The following NLRC5 variants were observed in gnomAD, a reference collection of about 807,000 sequenced individuals.
The protein encoded by NLRC5 is protein NLRC5.
A neutral mutation model predicts 206.9 loss-of-function variants in NLRC5; 114 were observed. The observed-to-expected ratio is 0.55, with a 90% CI of 0.47 to 0.64. The LOEUF (loss-of-function observed/expected upper bound fraction) is 0.64. Among genes scored for constraint, NLRC5 ranks in the 30% least tolerant of loss-of-function variants. NLRC5 has a pLI of 0.00. For missense variants in NLRC5, 2,008 were observed against 2,305.5 expected (o/e 0.87, Z 2.64); for synonymous variants, 952 against 962.8 (o/e 0.99, Z 0.21).
intron 39 of NLRC5, 32 bp downstream of exon 39, chr16:57,074,715 T>C: frequency 6.2e-7 from 1 of 1,600,578 alleles, no homozygotes; most frequent in Non-Finnish European, 8.6e-7. Flanking sequence ...TGGGAATGAG[T>C]GGGAAGAAAC....
chr16:57,067,672 G>T, intron 35 of NLRC5, 64 bp from the exon 36 acceptor site: 1 of 1,519,766 alleles, frequency 6.6e-7, no homozygotes, highest in African/African-American at 1.4e-5. Flanking sequence ...CCCCCTTCTG[G>T]ATGTGATGAC....
chr16:56,996,509 C>T (rs932379340), intron 1 of NLRC5, among the ~76,000 whole-genome samples: 1 of 151,964 alleles, frequency 6.6e-6, no homozygotes, highest in Admixed American at 6.6e-5. Flanking sequence ...TCGATGATAC[C>T]TTCAGTTCGT....
chr16:57,016,849 C>T (rs1391908378), intron 1 of NLRC5, among the ~76,000 whole-genome samples: 2 of 152,090 alleles, frequency 1.3e-5, no homozygotes, highest in Admixed American at 6.5e-5. Flanking sequence ...CCAGGTGTGG[C>T]AGGAGGTGAC....
chr16:57,058,422 G>A (rs1456044946), intron 28 of NLRC5: 2 of 484,908 alleles, frequency 4.1e-6, no homozygotes, highest in Admixed American at 3.6e-5. Flanking sequence ...AACTGACCTG[G>A]GGACAGGGAA....
At chr16:57,015,441 G>A (rs1303735546) in intron 1 of NLRC5, among the ~76,000 whole-genome samples, 1 of 152,086 alleles carries the variant, frequency 6.6e-6, no homozygotes, top group Non-Finnish European at 1.5e-5. Context: ...TCCTGTTACA[G>A]TGTGATAATG....
chr16:57,010,613 T>C (rs549373823), intron 1 of NLRC5, among the ~76,000 whole-genome samples: 6 of 152,300 alleles, frequency 3.9e-5, no homozygotes, highest in African/African-American at 1.4e-4. Flanking sequence ...GCTCAAGCTA[T>C]CCTCCCACCT....
intron 1 of NLRC5, among the ~76,000 whole-genome samples, chr16:56,997,819 G>A (rs568260074): frequency 4.6e-5 from 7 of 152,048 alleles, no homozygotes; most frequent in Non-Finnish European, 1.0e-4. Context: ...GGGCTCAAGC[G>A]ATCCTCCTGC....
At chr16:57,081,631 C>T (rs1237979523) in intron 48 of NLRC5, 21 bp downstream of exon 48, 3 of 1,606,366 alleles carry the variant, frequency 1.9e-6, no homozygotes, top group African/African-American at 2.7e-5. Flanking sequence ...CCTGCAGGGG[C>T]AGGGATGGTG....
intron 14 of NLRC5, 33 bp from the exon 15 acceptor site, chr16:57,037,162 A>T (rs200056572): frequency 1.7e-5 from 27 of 1,590,414 alleles, no homozygotes; most frequent in Non-Finnish European, 2.2e-5. Flanking sequence ...CCTCAGCCAC[A>T]TGCCAACGGC....
At position 57,055,581 on chromosome 16, in the gene NLRC5, G is replaced by A. The variant is rs2065537250; in HGVS notation, c.3746+62G>A. ...GACGCATGCCTGAGGGGCACTGAAG[G>A]GGGTATGAGGGTCCGTGTGTGCACA... is the stretch of plus-strand genomic sequence containing the variant. On this transcript the variant is annotated intron_variant, in intron 27 of 48. Transcript: ENST00000688547. 3.0e-6 allele frequency: 4 copies of A among 1,337,328 alleles called. No individual in the cohort carries two copies. In the Admixed American group the frequency reaches 5.2e-5, roughly 17 times the overall value. 82.8% of individuals were successfully genotyped at this position (1,337,328 alleles called of 1,614,324 possible).
At chr16:57,010,098 T>TG (rs1375107096) in intron 1 of NLRC5, among the ~76,000 whole-genome samples, 1 of 151,998 alleles carries the variant, frequency 6.6e-6, no homozygotes, top group African/African-American at 2.4e-5. Context: ...CTAACTGAAG[T>TG]GGGGAAGGTG....
chr16:57,000,762 TAAG>T (rs746581609), intron 1 of NLRC5, among the ~76,000 whole-genome samples: 1 of 152,154 alleles, frequency 6.6e-6, no homozygotes, highest in Non-Finnish European at 1.5e-5. Context: ...ATATGCCCTA[TAAG>T]GACATCTCTT....
Position 57,065,227 on chromosome 16 carries a change from G to T in NLRC5, c.4170G>T (p.Trp1390Cys). Reference protein sequence around the residue: ...GLFSLRVQEPWADRARVLSLL... With the variant: ...GLFSLRVQEPCADRARVLSLL... ...TCTGTGACAGGGTGCAGGAGCCGTG[G>T]GCGGACAGAGCCAGGGTTCTCTCCC... Residue 1390 changes from tryptophan to cysteine, a missense_variant, in exon 33 of 49, where the codon TGG (tryptophan) becomes TGT (cysteine). Coordinates refer to ENST00000688547, the MANE Select transcript of NLRC5 (RefSeq NM_001384950.1). The T allele has an allele frequency of 6.4e-7, 1 of 1,564,878 alleles. No homozygotes were observed.
chr16:57,051,506 C>A, intron 23 of NLRC5, 32 bp from the exon 24 acceptor site: 2 of 1,555,952 alleles, frequency 1.3e-6, no homozygotes, highest in Non-Finnish European at 1.8e-6. Flanking sequence ...TGGAAGGTTT[C>A]CCCCACCTCA....
intron 32 of NLRC5, among the ~76,000 whole-genome samples, chr16:57,064,675 G>C (rs1227856314): frequency 6.6e-6 from 1 of 152,164 alleles, no homozygotes; most frequent in African/African-American, 2.4e-5. Flanking sequence ...TGTAATCCCA[G>C]CACTTTGGGA....
chr16:57,000,440 G>T (rs2058112366), intron 1 of NLRC5, among the ~76,000 whole-genome samples: 2 of 152,280 alleles, frequency 1.3e-5, no homozygotes, highest in South Asian at 4.1e-4. Context: ...AGATGGCCTT[G>T]TTGGACTGGG....
chr16:57,040,212 A>G (rs1258929009), intron 16 of NLRC5, among the ~76,000 whole-genome samples: 3 of 152,066 alleles, frequency 2.0e-5, no homozygotes, highest in East Asian at 3.9e-4. Context: ...TCCCTTTCAC[A>G]CAAGGACCCA....
intron 11 of NLRC5, among the ~76,000 whole-genome samples, chr16:57,032,516 C>T (rs2061992693): frequency 1.3e-5 from 2 of 151,920 alleles, no homozygotes; most frequent in African/African-American, 4.8e-5. Flanking sequence ...AATTTTAATG[C>T]TATTTCAATT....
chr16:57,054,692 C>T (rs1289150051), intron 24 of NLRC5, 59 bp from the exon 25 acceptor site: 1 of 1,284,758 alleles, frequency 7.8e-7, no homozygotes, highest in Non-Finnish European at 1.1e-6. Flanking sequence ...CCTTACCCTC[C>T]AGGCTAGCCA....
Sources: gnomAD v4.1 joint callset for allele counts (sites outside exome capture counted in the v4.1 genomes callset) on GRCh38, gnomAD v4.1.1 for gene constraint, MANE v1.5 for transcripts, NCBI Gene and HGNC (gene_info 2026-07-23, HGNC 2026-07-21) for gene names.